CCSER1: variants seen among roughly 807,000 people sequenced by gnomAD.
CCSER1 encodes the protein serine-rich coiled-coil domain-containing protein 1.
A neutral mutation model predicts 82.0 loss-of-function variants in CCSER1; 41 were observed. The observed-to-expected ratio is 0.50, with a 90% CI of 0.39 to 0.65. The LOEUF (loss-of-function observed/expected upper bound fraction) is 0.65. CCSER1 is among the 30% of genes least tolerant of loss of function. The pLI is 0.00. For missense variants in CCSER1, 1,119 were observed against 1,064.2 expected (o/e 1.05, Z -0.72); for synonymous variants, 414 against 383.9 (o/e 1.08, Z -0.92).
At chr4:91,022,468 A>G (rs1243962244) in intron 9 of CCSER1, among the ~76,000 whole-genome samples, 1 of 152,136 alleles carries the variant, frequency 6.6e-6, no homozygotes, top group Non-Finnish European at 1.5e-5. Context: ...CGCAGTAAAC[A>G]TACATGTGCA....
At chr4:91,401,400 T>C (rs1752314214) in intron 10 of CCSER1, among the ~76,000 whole-genome samples, 2 of 148,568 alleles carry the variant, frequency 1.3e-5, no homozygotes, top group Admixed American at 6.8e-5. Context: ...ATAATATATA[T>C]ATACTTTTTT....
At chr4:91,286,007 T>TTACACAAA in intron 10 of CCSER1, among the ~76,000 whole-genome samples, 1 of 151,604 alleles carries the variant, frequency 6.6e-6, no homozygotes, top group South Asian at 2.1e-4. Flanking sequence ...TCACAAGGTG[T>TTACACAAA]GATGAATACT....
At chr4:90,918,456 C>T (rs996709520) in intron 8 of CCSER1, 34 of 325,720 alleles carry the variant, frequency 1.0e-4, no homozygotes, top group African/African-American at 7.1e-4. Context: ...TCACTTGAGA[C>T]TTCATTTTAA....
chr4:91,126,500 G>A (rs113020111), intron 10 of CCSER1, among the ~76,000 whole-genome samples: 3,547 of 151,826 alleles, frequency 0.023, 132 homozygotes, highest in African/African-American at 0.081. Context: ...AAATATTTCT[G>A]CAGCTTATTT....
rs182000191 is a variant in CCSER1, at chr4:90,484,160, C to T, written c.1724+15806C>T. On this transcript the variant is annotated intron_variant, in intron 5 of 10. Transcript: ENST00000509176. The stretch of plus-strand genomic sequence containing the variant: ...ACTGGTACCCTTTCTTCCAGTTGAT[C>T]GCATCGGTTACTGAGGCTTGTGCAT... Among the ~76,000 whole-genome samples the T allele has an allele frequency of 1.5e-4, 23 of 152,284 alleles. No homozygotes were observed. In the East Asian group the frequency reaches 1.5e-3, roughly 10 times the overall value.
At chr4:91,257,471 C>CCACA in intron 10 of CCSER1, among the ~76,000 whole-genome samples, 1 of 45,816 alleles carries the variant, frequency 2.2e-5, no homozygotes, top group Non-Finnish European at 4.1e-5. Flanking sequence ...GAATACATAC[C>CCACA]TACACACACA....
chr4:90,745,143 G>C (rs1026606184), intron 7 of CCSER1, among the ~76,000 whole-genome samples: 2 of 152,052 alleles, frequency 1.3e-5, no homozygotes, highest in Non-Finnish European at 2.9e-5. Flanking sequence ...TGGCCTGGTC[G>C]AGTTCTTTCT....
chr4:90,437,021 C>T (rs1248375097), intron 4 of CCSER1, among the ~76,000 whole-genome samples: 1 of 151,980 alleles, frequency 6.6e-6, no homozygotes, highest in Non-Finnish European at 1.5e-5. Flanking sequence ...TAGGGTTTCA[C>T]CGTGTTAGCC....
chr4:90,852,236 T>A (rs985032627), intron 8 of CCSER1, among the ~76,000 whole-genome samples: 3 of 152,212 alleles, frequency 2.0e-5, no homozygotes, highest in African/African-American at 7.2e-5. Flanking sequence ...TCTTGCTGAA[T>A]AGCGTATAAT....
At chr4:91,177,414 G>C (rs148689176) in intron 10 of CCSER1, among the ~76,000 whole-genome samples, 2,070 of 152,174 alleles carry the variant, frequency 0.014, 32 homozygotes, top group African/African-American at 0.037. Context: ...CTCTTTGTAC[G>C]TCTGGTAGAA....
chr4:90,709,952 T>G (rs1046969799), intron 6 of CCSER1, among the ~76,000 whole-genome samples: 2 of 151,642 alleles, frequency 1.3e-5, no homozygotes, highest in Non-Finnish European at 2.9e-5. Flanking sequence ...ATCTGTTTTT[T>G]TTTTTTTTTT....
At chr4:90,215,698 C>T (rs1271957927) in intron 1 of CCSER1, among the ~76,000 whole-genome samples, 3 of 152,070 alleles carry the variant, frequency 2.0e-5, no homozygotes, top group African/African-American at 4.8e-5. Flanking sequence ...AGATAGTTCC[C>T]AATAATTTCA....
chr4:90,652,614 T>C (rs949781515), intron 6 of CCSER1, among the ~76,000 whole-genome samples: 4 of 152,170 alleles, frequency 2.6e-5, no homozygotes, highest in African/African-American at 9.7e-5. Flanking sequence ...TTCCCTGTTA[T>C]CTTATTATCT....
intron 7 of CCSER1, among the ~76,000 whole-genome samples, chr4:90,760,245 GTAT>G (rs1284731427): frequency 6.6e-6 from 1 of 151,856 alleles, no homozygotes; most frequent in African/African-American, 2.4e-5. Flanking sequence ...TTCTGTTCAT[GTAT>G]TATATGAATG....
intron 10 of CCSER1, among the ~76,000 whole-genome samples, chr4:91,229,929 C>T (rs770003543): frequency 6.6e-6 from 1 of 152,082 alleles, no homozygotes; most frequent in Non-Finnish European, 1.5e-5. Context: ...CGCAGCAAAC[C>T]ACCATGGCAT....
chr4:90,600,090 A>G (rs2148745375), intron 5 of CCSER1, among the ~76,000 whole-genome samples: 1 of 152,274 alleles, frequency 6.6e-6, no homozygotes, highest in South Asian at 2.1e-4. Context: ...TGTATAGATA[A>G]CACACACTGT....
At chr4:90,891,505 A>T (rs984011456) in intron 8 of CCSER1, among the ~76,000 whole-genome samples, 1 of 151,968 alleles carries the variant, frequency 6.6e-6, no homozygotes, top group African/African-American at 2.4e-5. Flanking sequence ...TTATTTTACA[A>T]TACAAGAAAT....
At chr4:91,107,205 G>A (rs1405133521) in intron 10 of CCSER1, among the ~76,000 whole-genome samples, 4 of 152,140 alleles carry the variant, frequency 2.6e-5, no homozygotes, top group African/African-American at 9.7e-5. Flanking sequence ...ATCTAGGTTT[G>A]TGTAAGTCGA....
chr4:91,142,477 A>C (rs1487397659), intron 10 of CCSER1, among the ~76,000 whole-genome samples: 1 of 152,094 alleles, frequency 6.6e-6, no homozygotes, highest in Non-Finnish European at 1.5e-5. Context: ...AATTAGATCC[A>C]CTTGGTAATT....
Sources: gnomAD v4.1 joint callset for allele counts (sites outside exome capture counted in the v4.1 genomes callset) on GRCh38, gnomAD v4.1.1 for gene constraint, MANE v1.5 for transcripts, NCBI Gene and HGNC (gene_info 2026-07-23, HGNC 2026-07-21) for gene names.